PCDHGA5: variants seen among roughly 807,000 people sequenced by gnomAD.
The protein encoded by PCDHGA5 is protocadherin gamma-A5.
PCDHGA5 carries 36 observed loss-of-function variants against 56.7 expected under a neutral mutation model. The observed-to-expected ratio is 0.64, with a 90% confidence interval of 0.49 to 0.84. PCDHGA5 has a LOEUF of 0.84. Ranked by LOEUF, PCDHGA5 falls within the 40% of genes least tolerant of loss-of-function variation. The pLI is 0.00. For missense variants in PCDHGA5, 1,305 were observed against 1,201.5 expected, an observed-to-expected ratio of 1.09 and a Z score of -1.27; for synonymous variants, 563 against 520.2, an observed-to-expected ratio of 1.08 and a Z score of -1.12.
intron 1 of PCDHGA5, chr5:141,377,304 A>G (rs1051630740): frequency 2.6e-5 from 4 of 152,154 alleles, no homozygotes; most frequent in African/African-American, 9.7e-5. Context: ...GGTCAGTGTT[A>G]AAGATCAAGA....
chr5:141,404,849 C>G, intron 1 of PCDHGA5: 1 of 1,613,862 alleles, frequency 6.2e-7, no homozygotes, highest in Non-Finnish European at 8.5e-7. Context: ...TCGGGCCCTG[C>G]TAGATAGAGA....
At chr5:141,396,830 G>C (rs1014090361) in intron 1 of PCDHGA5, among the ~76,000 whole-genome samples, 1 of 152,198 alleles carries the variant, frequency 6.6e-6, no homozygotes, top group African/African-American at 2.4e-5. Flanking sequence ...TGCATATTCA[G>C]TGGAGTGGGA....
intron 1 of PCDHGA5, among the ~76,000 whole-genome samples, chr5:141,452,316 T>C (rs2098738639): frequency 6.6e-6 from 1 of 152,208 alleles, no homozygotes; most frequent in Non-Finnish European, 1.5e-5. Flanking sequence ...ACTCATACTT[T>C]CCTTGTTCCA....
chr5:141,410,945 C>A, intron 1 of PCDHGA5: 1 of 192,458 alleles, frequency 5.2e-6, no homozygotes, highest in Non-Finnish European at 1.0e-5. Context: ...CCTCCGCCTT[C>A]TGGGTTCAAG....
chr5:141,433,914 C>A (rs2097664630), intron 1 of PCDHGA5, among the ~76,000 whole-genome samples: 1 of 151,702 alleles, frequency 6.6e-6, no homozygotes, highest in Admixed American at 6.6e-5. Context: ...TTACAATCAC[C>A]TCCAAATGAA....
At chr5:141,470,858 TTTTG>T (rs775688955) in intron 1 of PCDHGA5, among the ~76,000 whole-genome samples, 79 of 151,956 alleles carry the variant, frequency 5.2e-4, no homozygotes, top group Non-Finnish European at 3.5e-4. Context: ...CAGATAAGTT[TTTTG>T]TTTGTTTGTT....
intron 1 of PCDHGA5, chr5:141,423,945 A>T (rs931771609): frequency 4.1e-6 from 5 of 1,207,688 alleles, no homozygotes; most frequent in Non-Finnish European, 4.1e-6. Context: ...AGTAAGTTGA[A>T]TTTTAGTATT....
chr5:141,489,405 G>A lies in PCDHGA5; in HGVS notation c.2422-5402G>A. ...ATGTTGCTCAGGATCTGGGCTTAAA[G>A]ATGACAGATCTGTTGAGCCGGCGGC... On this transcript the variant is annotated intron_variant, in intron 1 of 3. Transcript: ENST00000518069. This position sits in a 1 kb window ranked among gnomAD's most constrained non-coding sequence, Gnocchi z 4.5. The A allele has an allele frequency of 1.2e-6, 2 of 1,614,204 alleles. No individual in the cohort carries two copies. The highest frequency in any genetic ancestry group is 2.2e-5 in the South Asian group (2 of 91,088).
chr5:141,419,275 G>T (rs777238100), intron 1 of PCDHGA5: 35 of 1,613,856 alleles, frequency 2.2e-5, no homozygotes, highest in Non-Finnish European at 2.9e-5. Flanking sequence ...CCTCCATAGC[G>T]CAAGTCAGTG....
chr5:141,478,049 A>G, intron 1 of PCDHGA5: 2 of 1,614,056 alleles, frequency 1.2e-6, no homozygotes, highest in Middle Eastern at 3.3e-4. Flanking sequence ...GCAGACTCTC[A>G]CGGTCTTGAT....
At chr5:141,405,359 GAC>G in intron 1 of PCDHGA5, 1 of 1,614,018 alleles carries the variant, frequency 6.2e-7, no homozygotes, top group Admixed American at 1.7e-5. Context: ...TCCTATAGAA[GAC>G]ACCCCTTTGG....
chr5:141,418,867 A>T, intron 1 of PCDHGA5: 1 of 1,613,968 alleles, frequency 6.2e-7, no homozygotes, highest in Non-Finnish European at 8.5e-7. Context: ...TAATTGTAGA[A>T]GTTGTAGACG....
chr5:141,389,560 G>T (rs1323439261), intron 1 of PCDHGA5: 5 of 1,613,224 alleles, frequency 3.1e-6, no homozygotes, highest in Non-Finnish European at 4.2e-6. Flanking sequence ...AATGCGCCAC[G>T]GGTGCTGTAC....
intron 1 of PCDHGA5, chr5:141,433,284 C>T: frequency 8.5e-7 from 1 of 1,176,236 alleles, no homozygotes; most frequent in Non-Finnish European, 1.2e-6. Flanking sequence ...GCCTCAAACT[C>T]CTAGGCTCAA....
At chr5:141,443,383 G>A (rs1302172660) in intron 1 of PCDHGA5, among the ~76,000 whole-genome samples, 1 of 152,130 alleles carries the variant, frequency 6.6e-6, no homozygotes, top group Non-Finnish European at 1.5e-5. Flanking sequence ...TACTTGGGAG[G>A]CTGAGGTGTG....
intron 1 of PCDHGA5, chr5:141,375,488 G>C (rs948208439): frequency 6.2e-7 from 1 of 1,613,976 alleles, no homozygotes; most frequent in Non-Finnish European, 8.5e-7. Context: ...CCCCAGGGGT[G>C]CCTCCATCTT....
Position 141,477,265 on chromosome 5 carries a change from G to T in PCDHGA5, c.2422-17542G>T. On this transcript the variant is annotated intron_variant, in intron 1 of 3. Coordinates refer to ENST00000518069, the MANE Select transcript of PCDHGA5 (RefSeq NM_018918.3). The surrounding 1 kb of genome is among the most constrained non-coding windows in gnomAD (Gnocchi z 4.9). ...GTGTGACTGACCTGGATGCTGGCGA[G>T]AACGGGCTGGTGACCTGCGAAGTTC... 6.2e-7 allele frequency: 1 copy of T among 1,614,198 alleles called. No individual in the cohort carries two copies. Among genetic ancestry groups the T allele is most frequent in the Non-Finnish European group, 8.5e-7 (1 of 1,180,044 alleles).
At chr5:141,372,747 G>C (rs749618566) in intron 1 of PCDHGA5, 2 of 1,613,418 alleles carry the variant, frequency 1.2e-6, no homozygotes, top group Non-Finnish European at 1.7e-6. Flanking sequence ...ATGTGATGAA[G>C]CCTCTTGGTT....
chr5:141,375,308 G>A (rs761294258), intron 1 of PCDHGA5: 1 of 1,613,722 alleles, frequency 6.2e-7, no homozygotes, highest in African/African-American at 1.3e-5. Flanking sequence ...GACAAATGCA[G>A]CTCTAGACCG....
Sources: gnomAD v4.1 joint callset for allele counts (sites outside exome capture counted in the v4.1 genomes callset) on GRCh38, gnomAD v4.1.1 for gene constraint, Gnocchi (gnomAD v3.1) non-coding constraint, MANE v1.5 for transcripts, NCBI Gene and HGNC (gene_info 2026-07-23, HGNC 2026-07-21) for gene names.